Variants in CAMTA1 observed in about 807,000 individuals in gnomAD.
The protein encoded by CAMTA1 is calmodulin binding transcription activator 1, also known as calmodulin-binding transcription activator 1.
In CAMTA1, 27 loss-of-function variants were observed where a neutral mutation model predicts 170.9. That is an observed-to-expected ratio of 0.16 (90% CI 0.12 to 0.22). The LOEUF is 0.22. Among genes scored for constraint, CAMTA1 ranks in the 10% least tolerant of loss-of-function variants. CAMTA1 has a pLI of 1.00. For missense variants in CAMTA1, 1,619 were observed against 2,217.2 expected (o/e 0.73, Z 5.42); for synonymous variants, 833 against 891.5 (o/e 0.93, Z 1.17).
In CAMTA1 at chr1:6,806,419, G is replaced by C. The variant is rs1490061776; in HGVS notation, c.46-13762G>C. ...GAAGAGACAACTGAGATATAATGGG[G>C]ATTATATTCAATCTGAGGATCTATT... On this transcript the variant is annotated intron_variant, in intron 1 of 22. Coordinates refer to ENST00000303635, the MANE Select transcript of CAMTA1 (RefSeq NM_015215.4). Among the ~76,000 whole-genome samples the C allele has an allele frequency of 2.0e-5, 3 of 152,222 alleles. No individual in the cohort carries two copies. The East Asian group carries it at 5.8e-4, about 29-fold the overall frequency.
intron 4 of CAMTA1, among the ~76,000 whole-genome samples, chr1:7,231,112 G>A (rs1451927825): frequency 6.6e-6 from 1 of 152,082 alleles, no homozygotes. Flanking sequence ...AGCCCCGGTG[G>A]CTACCTCCCT....
intron 11 of CAMTA1, among the ~76,000 whole-genome samples, chr1:7,716,329 C>A (rs189792584): frequency 2.1e-3 from 326 of 152,286 alleles, no homozygotes; most frequent in African/African-American, 7.4e-3. Context: ...CTGTGCCCAG[C>A]TAATATTCTT....
intron 5 of CAMTA1, among the ~76,000 whole-genome samples, chr1:7,380,691 A>C (rs1557621699): frequency 1.3e-5 from 2 of 152,258 alleles, no homozygotes; most frequent in African/African-American, 2.4e-5. Context: ...GCATAAATAC[A>C]GTATTGGTAG....
intron 3 of CAMTA1, among the ~76,000 whole-genome samples, chr1:6,868,111 G>C (rs1425467399): frequency 3.3e-5 from 5 of 152,076 alleles, no homozygotes; most frequent in Non-Finnish European, 5.9e-5. Context: ...TGCCTGGCCT[G>C]GGTAGTTCTT....
intron 6 of CAMTA1, among the ~76,000 whole-genome samples, chr1:7,560,187 G>A (rs2094937503): frequency 6.6e-6 from 1 of 152,212 alleles, no homozygotes; most frequent in Non-Finnish European, 1.5e-5. Context: ...GAGGGCAGCA[G>A]GGCCCCCTGG....
Position 6,785,473 on chromosome 1 carries a change from C to T in CAMTA1, c.-58C>T, listed in dbSNP as rs1185149577. 5.4e-6 allele frequency: 5 copies of T among 932,542 alleles called. No homozygotes were observed. Among genetic ancestry groups the T allele is most frequent in the Non-Finnish European group, 6.5e-6 (5 of 771,614 alleles). The allele number at this position is 932,542 out of a possible 1,614,324, so 57.8% of individuals were successfully genotyped here. A position where few individuals can be genotyped will look rare whatever the true frequency, so the allele number is the denominator to read the frequency against. On this transcript the variant is annotated 5_prime_UTR_variant, in exon 1 of 23. Coordinates refer to ENST00000303635, the MANE Select transcript of CAMTA1 (RefSeq NM_015215.4). ...CGCGGCGGCGGCGGGGTGGCTGGGCCGGCGGCGGCGGCGGTACGAGGCGCG... is the reference window on the plus strand; with the variant it reads ...CGCGGCGGCGGCGGGGTGGCTGGGCTGGCGGCGGCGGCGGTACGAGGCGCG...
intron 6 of CAMTA1, among the ~76,000 whole-genome samples, chr1:7,527,806 G>A (rs933235876): frequency 4.6e-5 from 7 of 152,172 alleles, no homozygotes; most frequent in African/African-American, 1.7e-4. Context: ...AAGTGGCTGC[G>A]GTTCTCCGAC....
rs527586804 is a variant in CAMTA1, at chr1:7,125,882, C to T, written c.302+34511C>T. 8.5e-5 allele frequency among the ~76,000 whole-genome samples: 13 copies of T among 152,262 alleles called. No homozygotes were observed. In the East Asian group the frequency reaches 2.5e-3, roughly 29 times the overall value. The stretch of plus-strand genomic sequence containing the variant: ...CCCAAAGCCTCAAAGCCCCAACGCC[C>T]AGTGTGTTAGTCCATCTTTATGCTG... On this transcript the variant is annotated intron_variant, in intron 4 of 22. Coordinates refer to ENST00000303635, the MANE Select transcript of CAMTA1 (RefSeq NM_015215.4).
At chr1:7,520,826 T>C (rs1195219548) in intron 6 of CAMTA1, among the ~76,000 whole-genome samples, 1 of 152,160 alleles carries the variant, frequency 6.6e-6, no homozygotes, top group Non-Finnish European at 1.5e-5. Flanking sequence ...CCCTGGCACC[T>C]CATTCCCCAG....
At chr1:7,446,976 G>A (rs1333511994) in intron 5 of CAMTA1, among the ~76,000 whole-genome samples, 1 of 152,198 alleles carries the variant, frequency 6.6e-6, no homozygotes, top group Non-Finnish European at 1.5e-5. Context: ...GTATGGTGCT[G>A]GGGTCTGCAG....
intron 3 of CAMTA1, among the ~76,000 whole-genome samples, chr1:6,947,411 G>T (rs1413210189): frequency 2.7e-5 from 4 of 150,384 alleles, no homozygotes; most frequent in African/African-American, 9.8e-5. Context: ...GTCTCACTCT[G>T]TTTGCCCAGG....
At chr1:7,466,296 G>T (rs889172820) in intron 5 of CAMTA1, among the ~76,000 whole-genome samples, 10 of 152,202 alleles carry the variant, frequency 6.6e-5, no homozygotes, top group African/African-American at 2.4e-4. Context: ...TCATGGGCAA[G>T]AATTGCAAGG....
chr1:7,387,884 C>T (rs928554213), intron 5 of CAMTA1, among the ~76,000 whole-genome samples: 1 of 152,172 alleles, frequency 6.6e-6, no homozygotes, highest in Admixed American at 6.5e-5. Flanking sequence ...CCCCTCCCTC[C>T]CCCTCACTTG....
intron 3 of CAMTA1, among the ~76,000 whole-genome samples, chr1:7,089,579 C>CCATCCCATCCCATCG (rs1641215698): frequency 1.4e-5 from 2 of 141,170 alleles, no homozygotes; most frequent in Non-Finnish European, 1.6e-5. Context: ...CCATCCCATC[C>CCATCCCATCCCATCG]CATCCCATCC....
At chr1:7,377,778 A>G (rs1221792337) in intron 5 of CAMTA1, among the ~76,000 whole-genome samples, 4 of 152,040 alleles carry the variant, frequency 2.6e-5, no homozygotes, top group Non-Finnish European at 5.9e-5. Flanking sequence ...AAATTAGCCG[A>G]GTGATAGTGG....
At chr1:7,075,900 C>T (rs1044524679) in intron 3 of CAMTA1, among the ~76,000 whole-genome samples, 1 of 150,028 alleles carries the variant, frequency 6.7e-6, no homozygotes, top group Non-Finnish European at 1.5e-5. Flanking sequence ...TGATCTCAGG[C>T]GATCCACACA....
chr1:7,539,966 T>G (rs1392671479), intron 6 of CAMTA1, among the ~76,000 whole-genome samples: 4 of 152,162 alleles, frequency 2.6e-5, no homozygotes, highest in Non-Finnish European at 4.4e-5. Flanking sequence ...CAGACTTCTG[T>G]TCCTCCTTCA....
intron 3 of CAMTA1, among the ~76,000 whole-genome samples, chr1:6,829,351 T>C (rs1648734048): frequency 6.6e-6 from 1 of 152,244 alleles, no homozygotes; most frequent in Non-Finnish European, 1.5e-5. Context: ...CTTTTAACCT[T>C]TTCTAACCCA....
intron 7 of CAMTA1, among the ~76,000 whole-genome samples, chr1:7,643,831 G>A (rs752780582): frequency 2.0e-5 from 3 of 152,206 alleles, no homozygotes; most frequent in African/African-American, 4.8e-5. Context: ...CTGGAAATGC[G>A]GCTGCAGGAG....
Sources: allele counts gnomAD v4.1 joint callset (sites outside exome capture counted in the v4.1 genomes callset), GRCh38; gene constraint gnomAD v4.1.1; transcripts MANE v1.5; gene names NCBI Gene and HGNC (gene_info 2026-07-23, HGNC 2026-07-21).